DYRK1A: variants seen among roughly 807,000 people sequenced by gnomAD.
DYRK1A encodes the protein dual specificity tyrosine-phosphorylation-regulated kinase 1A.
DYRK1A carries 9 observed loss-of-function variants against 79.7 expected under a neutral mutation model. The observed-to-expected ratio is 0.11, with a 90% CI of 0.07 to 0.20. The LOEUF (loss-of-function observed/expected upper bound fraction) is 0.20. Among genes scored for constraint, DYRK1A ranks in the 10% least tolerant of loss-of-function variants. DYRK1A has a pLI of 1.00. For synonymous variants in DYRK1A, 349 were observed against 329.7 expected (o/e 1.06, Z -0.63); for missense variants, 622 against 956.0 (o/e 0.65, Z 4.61).
chr21:37,466,505 C>T (rs552541783), intron 2 of DYRK1A, among the ~76,000 whole-genome samples: 1 of 152,248 alleles, frequency 6.6e-6, no homozygotes, highest in South Asian at 2.1e-4. Flanking sequence ...CAACCACATA[C>T]TCTTTACAAG....
intron 2 of DYRK1A, among the ~76,000 whole-genome samples, chr21:37,438,629 C>G (rs1044968645): frequency 3.9e-5 from 6 of 152,152 alleles, no homozygotes; most frequent in Admixed American, 1.3e-4. Context: ...AAAAATCAGT[C>G]TTCCATATAT....
intron 2 of DYRK1A, among the ~76,000 whole-genome samples, chr21:37,447,447 A>C (rs1208660263): frequency 6.6e-6 from 1 of 152,114 alleles, no homozygotes; most frequent in Non-Finnish European, 1.5e-5. Context: ...TAAGACCTAA[A>C]GTCTGCTTAC....
At chr21:37,387,497 T>C (rs917120263) in intron 1 of DYRK1A, among the ~76,000 whole-genome samples, 2 of 152,222 alleles carry the variant, frequency 1.3e-5, no homozygotes, top group African/African-American at 4.8e-5. Flanking sequence ...AATGTAGTTT[T>C]TGGTATAATA....
At chr21:37,448,304 C>T (rs940872475) in intron 2 of DYRK1A, among the ~76,000 whole-genome samples, 4 of 152,088 alleles carry the variant, frequency 2.6e-5, no homozygotes, top group African/African-American at 9.7e-5. Flanking sequence ...TACTGTATTA[C>T]TGGTATTTTA....
At chr21:37,502,866 C>G (rs2053491441) in intron 9 of DYRK1A, 1 of 152,062 alleles carries the variant, frequency 6.6e-6, no homozygotes, top group African/African-American at 2.4e-5. Context: ...AAGATATTTT[C>G]AGTGAATATA....
At chr21:37,420,066 C>T (rs2050435194) in intron 1 of DYRK1A, 1 of 214,000 alleles carries the variant, frequency 4.7e-6, no homozygotes, top group African/African-American at 2.3e-5. Flanking sequence ...GTAATAGGCA[C>T]ATTTTGAAAC....
chr21:37,394,809 C>T (rs968787979), intron 1 of DYRK1A, among the ~76,000 whole-genome samples: 2 of 152,198 alleles, frequency 1.3e-5, no homozygotes, highest in East Asian at 1.9e-4. Context: ...GGATACTCAG[C>T]TCCACGTTGC....
intron 2 of DYRK1A, among the ~76,000 whole-genome samples, chr21:37,446,636 G>C (rs185782551): frequency 7.3e-5 from 11 of 150,532 alleles, no homozygotes; most frequent in Admixed American, 1.3e-4. Context: ...GTGCTCACAC[G>C]TGTTACCTCA....
At chr21:37,418,008 A>G (rs2050391082) in intron 1 of DYRK1A, among the ~76,000 whole-genome samples, 1 of 152,180 alleles carries the variant, frequency 6.6e-6, no homozygotes, top group African/African-American at 2.4e-5. Flanking sequence ...TGAAAATATG[A>G]CTGTCTAGAT....
At chr21:37,455,522 C>T (rs911799488) in intron 2 of DYRK1A, among the ~76,000 whole-genome samples, 1 of 152,076 alleles carries the variant, frequency 6.6e-6, no homozygotes, top group Non-Finnish European at 1.5e-5. Flanking sequence ...GGCTTGGAAC[C>T]GCTGAGTCAT....
chr21:37,440,759 G>A (rs1031010463), intron 2 of DYRK1A, among the ~76,000 whole-genome samples: 1 of 152,148 alleles, frequency 6.6e-6, no homozygotes, highest in Non-Finnish European at 1.5e-5. Flanking sequence ...TGTCACCAGA[G>A]AACGTATTTT....
intron 2 of DYRK1A, chr21:37,464,388 T>C (rs975311518): frequency 2.5e-6 from 1 of 396,082 alleles, no homozygotes; most frequent in Non-Finnish European, 4.9e-6. Context: ...ATATTGAATT[T>C]TTCCCAAGTT....
In DYRK1A at chr21:37,402,889, A is replaced by G. The variant is rs535739887; in HGVS notation, c.-76-17410A>G. On this transcript the variant is annotated intron_variant, in intron 1 of 11. Coordinates refer to ENST00000647188, the MANE Select transcript of DYRK1A (RefSeq NM_001347721.2). ...GTGATTCTCATGCCTTAGCCTCCCA[A>G]GTAGCTGGGATTTACAGGTATGCAC... Among the ~76,000 whole-genome samples the G allele has an allele frequency of 1.7e-3, 253 of 152,158 alleles. 1 individual carries two copies. Among genetic ancestry groups the G allele is most frequent in the Non-Finnish European group, 3.0e-3 (205 of 68,000 alleles).
Position 37,511,948 on chromosome 21 carries a change from G to T in DYRK1A, c.1682G>T (p.Gly561Val). Residue 561 changes from glycine to valine, a missense_variant, in exon 12 of 12, where the codon GGC becomes GTC. Physicochemically the swap from Gly to Val is moderately radical, Grantham distance 109. This residue lies in a region of DYRK1A where 292 missense variants were observed against 316.7 expected (regional missense o/e 0.92). Coordinates refer to ENST00000647188, the MANE Select transcript of DYRK1A (RefSeq NM_001347721.2). ...TTTCCTGCTCCTCTTGGTTGGTCAGGCACTGAAGCTCCTACACAGGTCACT... is the reference window on the plus strand; with the variant it reads ...TTTCCTGCTCCTCTTGGTTGGTCAGTCACTGAAGCTCCTACACAGGTCACT... The part of the protein sequence containing the change: ...QQFPAPLGWS[G>V]TEAPTQVTVE... 6.2e-7 allele frequency: 1 copy of T among 1,614,014 alleles called. No individual in the cohort carries two copies. Among genetic ancestry groups the T allele is most frequent in the South Asian group, 1.1e-5 (1 of 91,076 alleles).
intron 1 of DYRK1A, among the ~76,000 whole-genome samples, chr21:37,407,118 C>A (rs185611101): frequency 3.3e-5 from 5 of 152,026 alleles, no homozygotes; most frequent in African/African-American, 1.2e-4. Flanking sequence ...TATTTACAAA[C>A]GTAGGTTGGG....
At chr21:37,408,425 A>G (rs1383717755) in intron 1 of DYRK1A, among the ~76,000 whole-genome samples, 1 of 152,244 alleles carries the variant, frequency 6.6e-6, no homozygotes, top group Non-Finnish European at 1.5e-5. Context: ...TGTTTTGCCC[A>G]TCAGATTTTC....
At chr21:37,492,002 C>G (rs1471096205) in intron 7 of DYRK1A, among the ~76,000 whole-genome samples, 1 of 152,138 alleles carries the variant, frequency 6.6e-6, no homozygotes. Context: ...TTGGGGAAAG[C>G]AACTGCTTTA....
intron 2 of DYRK1A, among the ~76,000 whole-genome samples, chr21:37,421,191 A>G (rs2050465136): frequency 6.6e-6 from 1 of 152,156 alleles, no homozygotes. Context: ...TTATTTGATT[A>G]TATTTATAAA....
In DYRK1A at chr21:37,388,068, TTC is replaced by T. The variant is rs149122854; in HGVS notation, c.-77+20442_-77+20443del. ...TTCCCTTCATGACCTCCTTATAAAT[TTC>T]TGTGTTTTTATCTGTCCCTCTTCCC... On this transcript the variant is annotated intron_variant, in intron 1 of 11. Coordinates refer to ENST00000647188, the MANE Select transcript of DYRK1A (RefSeq NM_001347721.2). Among the ~76,000 whole-genome samples, 980 of 151,964 alleles carry T rather than the reference TTC, an allele frequency of 6.4e-3. 10 individuals carry two copies. The highest frequency in any genetic ancestry group is 8.2e-3 in the Non-Finnish European group (557 of 67,974).
Sources: allele counts gnomAD v4.1 joint callset (sites outside exome capture counted in the v4.1 genomes callset), GRCh38; gene constraint gnomAD v4.1.1; regional missense constraint gnomAD v4.1.1; transcripts MANE v1.5; gene names NCBI Gene and HGNC (gene_info 2026-07-23, HGNC 2026-07-21).